CXCL13: variants seen among roughly 807,000 people sequenced by gnomAD.
The protein encoded by CXCL13 is C-X-C motif chemokine ligand 13.
A neutral mutation model predicts 12.2 loss-of-function variants in CXCL13; 7 were observed. The observed-to-expected ratio is 0.57, with a 90% confidence interval of 0.33 to 1.07. CXCL13 has a LOEUF of 1.07. Ranked by LOEUF, CXCL13 falls within the 50% of genes least tolerant of loss-of-function variation. CXCL13 has a pLI of 0.04. For synonymous variants in CXCL13, 47 were observed against 42.4 expected, an observed-to-expected ratio of 1.11 and a Z score of -0.42; for missense variants, 113 against 127.4, an observed-to-expected ratio of 0.89 and a Z score of 0.55.
upstream of CXCL13, among the ~76,000 whole-genome samples, chr4:77,604,319 T>C (rs1182277150): frequency 6.6e-6 from 1 of 152,070 alleles, no homozygotes; most frequent in African/African-American, 2.4e-5. Flanking sequence ...AATCTGAGGC[T>C]CCCCCTGCCC....
intron 1 of CXCL13, among the ~76,000 whole-genome samples, chr4:77,528,674 G>A (rs1407005626): frequency 2.0e-5 from 3 of 152,104 alleles, no homozygotes; most frequent in African/African-American, 7.2e-5. Context: ...GATTCTGGAT[G>A]TTAGCCCTTT....
intron 1 of CXCL13, among the ~76,000 whole-genome samples, chr4:77,544,096 A>G (rs1162798197): frequency 6.6e-6 from 1 of 152,166 alleles, no homozygotes; most frequent in Non-Finnish European, 1.5e-5. Flanking sequence ...TTATGGCTGC[A>G]TAGTATTCCA....
At chr4:77,579,121 T>C (rs1366783706) in intron 1 of CXCL13, among the ~76,000 whole-genome samples, 1 of 152,258 alleles carries the variant, frequency 6.6e-6, no homozygotes, top group Admixed American at 6.5e-5. Flanking sequence ...GCCTGGATTG[T>C]GGAGAAGAGC....
intron 1 of CXCL13, among the ~76,000 whole-genome samples, chr4:77,527,635 T>TA (rs532507301): frequency 0.011 from 1,665 of 145,390 alleles, 14 homozygotes; most frequent in African/African-American, 0.023. Context: ...CAGTCTCAGA[T>TA]AAAAAAAAAA....
At chr4:77,594,772 G>A (rs1038630494) in intron 1 of CXCL13, among the ~76,000 whole-genome samples, 1 of 152,222 alleles carries the variant, frequency 6.6e-6, no homozygotes, top group Non-Finnish European at 1.5e-5. Context: ...GGCTGGGGAA[G>A]GGAGAGCACC....
intron 1 of CXCL13, among the ~76,000 whole-genome samples, chr4:77,546,324 T>C (rs1725362004): frequency 6.6e-6 from 1 of 152,232 alleles, no homozygotes; most frequent in South Asian, 2.1e-4. Flanking sequence ...GAAGTAATGG[T>C]ACCAGCTCTT....
chr4:77,559,504 T>C (rs983785308), intron 1 of CXCL13, among the ~76,000 whole-genome samples: 1 of 152,152 alleles, frequency 6.6e-6, no homozygotes, highest in African/African-American at 2.4e-5. Context: ...GGCAATAGCT[T>C]CTTCATTCTG....
At chr4:77,525,439 G>A (rs1189346406) in intron 1 of CXCL13, among the ~76,000 whole-genome samples, 3 of 152,106 alleles carry the variant, frequency 2.0e-5, no homozygotes, top group African/African-American at 7.2e-5. Context: ...ATCAATGCAG[G>A]TGAGAGTGGA....
intron 1 of CXCL13, 92 bp from the exon 2 acceptor site, chr4:77,607,611 T>C (rs1727025078): frequency 1.5e-6 from 2 of 1,296,234 alleles, no homozygotes; most frequent in Non-Finnish European, 2.1e-6. Context: ...TTTTAAGTCT[T>C]CAAATGCACG....
At chr4:77,585,149 T>G (rs1187444902) in intron 1 of CXCL13, among the ~76,000 whole-genome samples, 1 of 152,182 alleles carries the variant, frequency 6.6e-6, no homozygotes, top group Non-Finnish European at 1.5e-5. Context: ...ATCAGGCCAC[T>G]GGAAACAGGC....
intron 1 of CXCL13, among the ~76,000 whole-genome samples, chr4:77,586,944 G>A (rs1726486969): frequency 6.6e-6 from 1 of 152,196 alleles, no homozygotes; most frequent in African/African-American, 2.4e-5. Flanking sequence ...GCAGTAGGTG[G>A]TAGTGAAATA....
intron 1 of CXCL13, among the ~76,000 whole-genome samples, chr4:77,533,174 T>C (rs1724973145): frequency 6.6e-6 from 1 of 152,180 alleles, no homozygotes; most frequent in Non-Finnish European, 1.5e-5. Flanking sequence ...TTTATCTACC[T>C]TTGGTCTTTG....
At chr4:77,525,142 G>A (rs1215557690) in intron 1 of CXCL13, among the ~76,000 whole-genome samples, 2 of 152,282 alleles carry the variant, frequency 1.3e-5, no homozygotes, top group Middle Eastern at 3.4e-3. Flanking sequence ...CAGCACAAAG[G>A]CTTTTCTCTG....
At chr4:77,566,768 C>G (rs1725932820) in intron 1 of CXCL13, among the ~76,000 whole-genome samples, 1 of 152,180 alleles carries the variant, frequency 6.6e-6, no homozygotes, top group South Asian at 2.1e-4. Flanking sequence ...AGGAGTAAAA[C>G]TTATTAACCA....
At chr4:77,517,272 A>C (rs538089093) in intron 1 of CXCL13, among the ~76,000 whole-genome samples, 1 of 152,286 alleles carries the variant, frequency 6.6e-6, no homozygotes, top group African/African-American at 2.4e-5. Context: ...GCTGAAAAAA[A>C]TGTATATTCT....
intron 1 of CXCL13, among the ~76,000 whole-genome samples, chr4:77,574,596 T>G (rs760082298): frequency 6.6e-6 from 1 of 151,934 alleles, no homozygotes; most frequent in Non-Finnish European, 1.5e-5. Flanking sequence ...ATTTAAATTT[T>G]TAAAAAGGTG....
intron 1 of CXCL13, among the ~76,000 whole-genome samples, chr4:77,559,334 T>C (rs902494506): frequency 2.0e-5 from 3 of 152,174 alleles, no homozygotes; most frequent in Non-Finnish European, 4.4e-5. Context: ...AAGCTTCAGT[T>C]GACCCTTTGG....
chr4:77,610,774 C>G, intron 3 of CXCL13, 80 bp downstream of exon 3: 3 of 1,105,638 alleles, frequency 2.7e-6, no homozygotes, highest in East Asian at 4.8e-5. Context: ...AAAATAGGGA[C>G]TAGCTTGAAT....
chr4:77,530,456 CT>C (rs1180057959), intron 1 of CXCL13, among the ~76,000 whole-genome samples: 1 of 152,040 alleles, frequency 6.6e-6, no homozygotes, highest in Admixed American at 6.6e-5. Flanking sequence ...ATTTCAGAGC[CT>C]GTTATTGTCT....
Sources: allele counts gnomAD v4.1 joint callset (sites outside exome capture counted in the v4.1 genomes callset), GRCh38; gene constraint gnomAD v4.1.1; transcripts MANE v1.5; gene names NCBI Gene and HGNC (gene_info 2026-07-23, HGNC 2026-07-21).